Variants in FAT3 observed in about 807,000 individuals in gnomAD.
FAT3 encodes the protein protocadherin Fat 3.
In FAT3, 95 loss-of-function variants were observed where a neutral mutation model predicts 310.2. The observed-to-expected ratio is 0.31, with a 90% CI of 0.26 to 0.36. FAT3 has a LOEUF of 0.36. Among genes scored for constraint, FAT3 ranks in the 10% least tolerant of loss-of-function variants. FAT3 has a pLI of 1.00. For synonymous variants in FAT3, 2,314 were observed against 2,192.9 expected, an observed-to-expected ratio of 1.06 and a Z score of -1.54; for missense variants, 5,408 against 5,715.6, an observed-to-expected ratio of 0.95 and a Z score of 1.74.
At chr11:92,228,270 T>A (rs1485430127) in intron 1 of FAT3, among the ~76,000 whole-genome samples, 1 of 152,170 alleles carries the variant, frequency 6.6e-6, no homozygotes, top group East Asian at 1.9e-4. Context: ...TAGAAATCTT[T>A]CTTTCAAATT....
chr11:92,664,690 G>A (rs962445604), intron 3 of FAT3, among the ~76,000 whole-genome samples: 2 of 151,992 alleles, frequency 1.3e-5, no homozygotes, highest in Admixed American at 6.6e-5. Context: ...TCATGAACTA[G>A]GTAATAAATT....
intron 2 of FAT3, among the ~76,000 whole-genome samples, chr11:92,469,448 A>C (rs1951854387): frequency 6.6e-6 from 1 of 152,194 alleles, no homozygotes. Context: ...TGTATTTTAC[A>C]TGAGAAAGAA....
At position 92,890,974 on chromosome 11, in the gene FAT3, C is replaced by A. The variant is rs1419274820; in HGVS notation, c.13631C>A (p.Thr4544Asn). 3 of 1,613,956 alleles carry A rather than the reference C, an allele frequency of 1.9e-6. No individual in the cohort carries two copies. The highest frequency in any genetic ancestry group is 2.2e-5 in the East Asian group (1 of 44,872). ...CTGTCCTTGCACAATTCCAGAGGCACCTCATCCTCGGATGTGTCTGCCAAC... is the reference window on the plus strand; with the variant it reads ...CTGTCCTTGCACAATTCCAGAGGCAACTCATCCTCGGATGTGTCTGCCAAC... ...VSLSLHNSRGTSSSDVSANCG... is the reference protein window; with the variant it reads ...VSLSLHNSRGNSSSDVSANCG... Residue 4544 changes from threonine (T) to asparagine (N), a missense_variant, in exon 28 of 28, where the codon ACC becomes AAC. Thr to Asn is a moderately conservative substitution (Grantham distance 65). Around this residue, in one of 5 missense-constraint regions of FAT3, gnomAD observed 649 missense variants for 666.2 expected, o/e 0.97. Transcript: ENST00000525166.
chr11:92,663,388 C>T (rs1003537456), intron 3 of FAT3, among the ~76,000 whole-genome samples: 2 of 152,078 alleles, frequency 1.3e-5, no homozygotes, highest in Admixed American at 6.6e-5. Context: ...GAGAAGCTAA[C>T]GGAGATTACT....
At position 92,890,988 on chromosome 11, in the gene FAT3, G is replaced by A. The variant is rs748087561; in HGVS notation, c.13645G>A (p.Val4549Met). Reference protein sequence around the residue: ...HNSRGTSSSDVSANCGFDDSE... With the variant: ...HNSRGTSSSDMSANCGFDDSE... ...TTCCAGAGGCACCTCATCCTCGGAT[G>A]TGTCTGCCAACTGCGGCTTTGACGA... The change falls in exon 28 of 28, where the codon GTG becomes ATG. Residue 4549 changes from valine to methionine, a missense_variant. By Grantham distance (21) the Val-to-Met change is conservative. Transcript: ENST00000525166. 5 of 1,613,820 alleles carry A rather than the reference G, an allele frequency of 3.1e-6. No homozygotes were observed. In the East Asian group the frequency reaches 1.1e-4, roughly 36 times the overall value.
At chr11:92,532,367 T>G (rs1243158086) in intron 3 of FAT3, among the ~76,000 whole-genome samples, 1 of 152,212 alleles carries the variant, frequency 6.6e-6, no homozygotes, top group East Asian at 1.9e-4. Flanking sequence ...TTGGGTTTTC[T>G]TTTCTGAAGA....
chr11:92,383,896 A>G (rs1258738305), intron 2 of FAT3, among the ~76,000 whole-genome samples: 2 of 152,218 alleles, frequency 1.3e-5, no homozygotes, highest in African/African-American at 4.8e-5. Flanking sequence ...AAGAAAAATG[A>G]GATTTAATTT....
At chr11:92,853,401 GT>G (rs1380499699) in intron 19 of FAT3, among the ~76,000 whole-genome samples, 1 of 152,230 alleles carries the variant, frequency 6.6e-6, no homozygotes, top group Admixed American at 6.5e-5. Flanking sequence ...CTCAAAGAGA[GT>G]GTCACAGCCC....
chr11:92,701,087 G>A (rs1944084741), intron 4 of FAT3, among the ~76,000 whole-genome samples: 1 of 152,150 alleles, frequency 6.6e-6, no homozygotes, highest in East Asian at 1.9e-4. Context: ...CCTGGAGAGT[G>A]TTTAATTGCC....
chr11:92,557,477 C>T (rs1955062571), intron 3 of FAT3, among the ~76,000 whole-genome samples: 1 of 152,168 alleles, frequency 6.6e-6, no homozygotes. Context: ...TACATTGTAT[C>T]GCCATGTCCC....
chr11:92,443,730 A>G (rs1478112356), intron 2 of FAT3, among the ~76,000 whole-genome samples: 3 of 152,114 alleles, frequency 2.0e-5, no homozygotes. Context: ...ACTTCAAATC[A>G]TTTGTTCTGA....
intron 4 of FAT3, among the ~76,000 whole-genome samples, chr11:92,707,684 A>G (rs960781054): frequency 9.2e-5 from 14 of 152,240 alleles, no homozygotes; most frequent in African/African-American, 3.1e-4. Context: ...CTTTACTTCC[A>G]TAGCTCCTTT....
chr11:92,565,638 A>T (rs563932990), intron 3 of FAT3, among the ~76,000 whole-genome samples: 1 of 151,114 alleles, frequency 6.6e-6, no homozygotes, highest in African/African-American at 2.4e-5. Flanking sequence ...AAAATCCTCA[A>T]TAAAATACTG....
intron 1 of FAT3, chr11:92,336,161 G>C (rs1948071336): frequency 9.0e-6 from 5 of 556,862 alleles, no homozygotes; most frequent in Admixed American, 8.0e-5. Flanking sequence ...CTCGCATCCT[G>C]TAATCAGGCA....
intron 2 of FAT3, among the ~76,000 whole-genome samples, chr11:92,438,699 C>T (rs771554863): frequency 6.6e-6 from 1 of 152,110 alleles, no homozygotes; most frequent in South Asian, 2.1e-4. Context: ...TACATGCTAA[C>T]TCAAGGTCAG....
chr11:92,605,494 AG>A (rs957506716), intron 3 of FAT3, among the ~76,000 whole-genome samples: 3 of 152,138 alleles, frequency 2.0e-5, no homozygotes, highest in Admixed American at 6.5e-5. Flanking sequence ...GGTGGGGAAA[AG>A]GTCCTTATAT....
chr11:92,662,102 AAGG>A (rs1211734762), intron 3 of FAT3, among the ~76,000 whole-genome samples: 1 of 152,184 alleles, frequency 6.6e-6, no homozygotes, highest in African/African-American at 2.4e-5. Flanking sequence ...ATAGATACAG[AAGG>A]AGTTGTGTTT....
At chr11:92,853,942 G>A (rs554012275) in intron 19 of FAT3, among the ~76,000 whole-genome samples, 271 of 152,272 alleles carry the variant, frequency 1.8e-3, no homozygotes, top group Non-Finnish European at 1.4e-3. Context: ...TGAAGGTGGG[G>A]CATCACTGGG....
chr11:92,258,450 A>G (rs375252227), intron 1 of FAT3, among the ~76,000 whole-genome samples: 2 of 152,086 alleles, frequency 1.3e-5, no homozygotes, highest in African/African-American at 2.4e-5. Flanking sequence ...TGCAGTCTTG[A>G]TTGTGCCAAG....
Sources: gnomAD v4.1 joint callset for allele counts (sites outside exome capture counted in the v4.1 genomes callset) on GRCh38, gnomAD v4.1.1 for gene constraint, gnomAD v4.1.1 regional missense constraint, MANE v1.5 for transcripts, NCBI Gene and HGNC (gene_info 2026-07-23, HGNC 2026-07-21) for gene names.